Variants in GRM7 observed in about 807,000 individuals in gnomAD.
The protein encoded by GRM7 is metabotropic glutamate receptor 7.
A neutral mutation model predicts 84.5 loss-of-function variants in GRM7; 35 were observed. The ratio of observed to expected loss-of-function variants is 0.41; its 90% CI spans 0.32 to 0.55. The LOEUF is 0.55. Ranked by LOEUF, GRM7 falls within the 20% of genes least tolerant of loss-of-function variation. GRM7 has a pLI of 0.19. For synonymous variants in GRM7, 487 were observed against 455.1 expected (o/e 1.07, Z -0.89); for missense variants, 1,003 against 1,194.6 (o/e 0.84, Z 2.36).
intron 1 of GRM7, among the ~76,000 whole-genome samples, chr3:6,953,453 A>G (rs1045836009): frequency 1.4e-4 from 21 of 152,346 alleles, no homozygotes; most frequent in African/African-American, 4.8e-4. Flanking sequence ...CTTGACAAAC[A>G]TAAAGAACTC....
At chr3:6,947,522 T>G (rs1238609046) in intron 1 of GRM7, among the ~76,000 whole-genome samples, 1 of 152,148 alleles carries the variant, frequency 6.6e-6, no homozygotes, top group Non-Finnish European at 1.5e-5. Flanking sequence ...CTCTCTTTTT[T>G]GTTATGTCTC....
intron 8 of GRM7, among the ~76,000 whole-genome samples, chr3:7,581,726 A>G (rs1479252842): frequency 1.3e-5 from 2 of 152,212 alleles, no homozygotes; most frequent in African/African-American, 4.8e-5. Context: ...AAATAAGATT[A>G]GGCAGTGAGT....
At chr3:6,892,178 A>G (rs1299658599) in intron 1 of GRM7, among the ~76,000 whole-genome samples, 1 of 152,158 alleles carries the variant, frequency 6.6e-6, no homozygotes, top group East Asian at 1.9e-4. Flanking sequence ...ACTGGAAGAC[A>G]GTCAGATGAC....
At position 7,486,912 on chromosome 3, in the gene GRM7, A is replaced by T. The variant is rs1699343343; in HGVS notation, c.1515+25190A>T. On this transcript the variant is annotated intron_variant, in intron 7 of 9. Coordinates refer to ENST00000357716, the MANE Select transcript of GRM7 (RefSeq NM_000844.4). This position sits in a 1 kb window ranked among gnomAD's most constrained non-coding sequence, Gnocchi z 5.5. ...AGAAAAAGCCTAGATTCTTGTGAGG[A>T]CATAGAAGACGAGAATACTAGGGAA... is the stretch of plus-strand genomic sequence containing the variant. Among the ~76,000 whole-genome samples, 1 of 152,206 alleles carries T rather than the reference A, an allele frequency of 6.6e-6. No individual in the cohort carries two copies. Among genetic ancestry groups the T allele is most frequent in the Non-Finnish European group, 1.5e-5 (1 of 68,038 alleles).
intron 8 of GRM7, among the ~76,000 whole-genome samples, chr3:7,648,158 G>C (rs1698741051): frequency 6.6e-6 from 1 of 151,492 alleles, no homozygotes; most frequent in African/African-American, 2.4e-5. Context: ...AGAGTTTTGG[G>C]GGCTCCCAAA....
At chr3:6,994,624 C>T (rs1406004853) in intron 1 of GRM7, among the ~76,000 whole-genome samples, 1 of 152,164 alleles carries the variant, frequency 6.6e-6, no homozygotes, top group East Asian at 1.9e-4. Context: ...TTATTCTGGA[C>T]ATGGTGATTC....
chr3:7,501,700 T>C (rs1699888759), intron 7 of GRM7, among the ~76,000 whole-genome samples: 2 of 152,226 alleles, frequency 1.3e-5, no homozygotes, highest in Admixed American at 6.5e-5. Flanking sequence ...CTATAGGTTG[T>C]TCATAACCAT....
At chr3:6,941,933 C>A (rs192604848) in intron 1 of GRM7, among the ~76,000 whole-genome samples, 1 of 151,974 alleles carries the variant, frequency 6.6e-6, no homozygotes, top group Non-Finnish European at 1.5e-5. Context: ...CCGTTTTAGT[C>A]GTATGAACAG....
At chr3:6,964,393 G>A (rs1448524633) in intron 1 of GRM7, among the ~76,000 whole-genome samples, 1 of 152,002 alleles carries the variant, frequency 6.6e-6, no homozygotes, top group Admixed American at 6.6e-5. Flanking sequence ...CCTTTTATGA[G>A]GGCACTAATC....
In GRM7 at chr3:7,146,527, G is replaced by T. The variant is rs1694115861; in HGVS notation, c.595G>T (p.Val199Leu). 6.2e-7 allele frequency: 1 copy of T among 1,614,014 alleles called. No homozygotes were observed. The highest frequency in any genetic ancestry group is 1.3e-5 in the African/African-American group (1 of 75,018). ...GCGCTATGACTTCTTCTCTCGCGTGGTGCCACCCGATTCCTTCCAAGCCCA... is the reference window on the plus strand; with the variant it reads ...GCGCTATGACTTCTTCTCTCGCGTGTTGCCACCCGATTCCTTCCAAGCCCA... ...DRRYDFFSRVVPPDSFQAQAM... is the reference protein window; with the variant it reads ...DRRYDFFSRVLPPDSFQAQAM... Residue 199 changes from valine (V) to leucine (L), a missense_variant, in exon 2 of 10, where the codon GTG (valine) becomes TTG (leucine). Physicochemically the swap from Val to Leu is conservative, Grantham distance 32. Coordinates refer to ENST00000357716, the MANE Select transcript of GRM7 (RefSeq NM_000844.4).
chr3:7,556,435 G>A (rs1693761908), intron 7 of GRM7, among the ~76,000 whole-genome samples: 1 of 152,160 alleles, frequency 6.6e-6, no homozygotes, highest in South Asian at 2.1e-4. Context: ...CTCATTGTGA[G>A]ACTGCATTTT....
At chr3:6,873,635 A>G (rs1695204142) in intron 1 of GRM7, among the ~76,000 whole-genome samples, 1 of 152,202 alleles carries the variant, frequency 6.6e-6, no homozygotes, top group Non-Finnish European at 1.5e-5. Flanking sequence ...TCTATTATTT[A>G]TTATTAATAG....
intron 1 of GRM7, among the ~76,000 whole-genome samples, chr3:7,087,685 C>A (rs1037268531): frequency 6.6e-6 from 1 of 151,888 alleles, no homozygotes; most frequent in African/African-American, 2.4e-5. Context: ...AGTACATGTT[C>A]TGAGAGCTGA....
chr3:7,468,844 C>A (rs1408233103), intron 7 of GRM7, among the ~76,000 whole-genome samples: 2 of 152,130 alleles, frequency 1.3e-5, no homozygotes, highest in Non-Finnish European at 2.9e-5. Flanking sequence ...TCCTTGCTAC[C>A]CCTTCACGAC....
intron 7 of GRM7, among the ~76,000 whole-genome samples, chr3:7,526,715 T>C (rs538666597): frequency 6.6e-6 from 1 of 151,960 alleles, no homozygotes; most frequent in East Asian, 1.9e-4. Context: ...TGGTGAGAGG[T>C]AGAGGTCTAG....
chr3:6,875,917 A>G (rs1695283703), intron 1 of GRM7, among the ~76,000 whole-genome samples: 1 of 151,986 alleles, frequency 6.6e-6, no homozygotes, highest in South Asian at 2.1e-4. Context: ...TTTAATCTCA[A>G]TTTGTTCATC....
intron 9 of GRM7, among the ~76,000 whole-genome samples, chr3:7,730,733 A>T (rs62233904): frequency 0.055 from 8,388 of 152,290 alleles, 272 homozygotes; most frequent in Non-Finnish European, 0.068. Context: ...TAGCCTTAAG[A>T]CAGACTTTGG....
chr3:7,579,053 G>C lies in GRM7; in HGVS notation c.2147G>C (p.Gly716Ala), dbSNP rs772757913. The C allele has an allele frequency of 6.2e-6, 10 of 1,613,854 alleles. No homozygotes were observed. Among genetic ancestry groups the C allele is most frequent in the Non-Finnish European group, 7.6e-6 (9 of 1,179,998 alleles). ...TSSLISVQLL[G>A]VFIWFGVDPP... ...AGTTTAATATCAGTTCAGCTTCTAGGGGTGTTCATTTGGTTTGGTGTTGAT... is the reference window on the plus strand; with the variant it reads ...AGTTTAATATCAGTTCAGCTTCTAGCGGTGTTCATTTGGTTTGGTGTTGAT... Residue 716 changes from glycine to alanine, a missense_variant, in exon 8 of 10, where the codon GGG becomes GCG. Gly to Ala is a moderately conservative substitution (Grantham distance 60). Around this residue, in one of 2 missense-constraint regions of GRM7, gnomAD observed 910 missense variants for 1,126.0 expected, o/e 0.81. Transcript: ENST00000357716.
intron 1 of GRM7, among the ~76,000 whole-genome samples, chr3:7,142,014 A>C (rs1476359252): frequency 6.6e-6 from 1 of 152,060 alleles, no homozygotes; most frequent in Non-Finnish European, 1.5e-5. Context: ...GTGAGGAAAT[A>C]CTCATGAGTA....
Sources: allele counts gnomAD v4.1 joint callset (sites outside exome capture counted in the v4.1 genomes callset), GRCh38; gene constraint gnomAD v4.1.1; regional missense constraint gnomAD v4.1.1; non-coding constraint Gnocchi (gnomAD v3.1); transcripts MANE v1.5; gene names NCBI Gene and HGNC (gene_info 2026-07-23, HGNC 2026-07-21).